Variants in CHTF18 observed in about 807,000 individuals in gnomAD.
CHTF18 encodes the protein chromosome transmission fidelity factor 18.
A neutral mutation model predicts 113.4 loss-of-function variants in CHTF18; 151 were observed. That is an observed-to-expected ratio of 1.33 (90% CI 1.17 to 1.52). The LOEUF (loss-of-function observed/expected upper bound fraction) is 1.52. CHTF18 is among the 40% of genes most tolerant of loss of function. The pLI is 0.00. For missense variants in CHTF18, 1,982 were observed against 1,381.6 expected (o/e 1.43, Z -6.89); for synonymous variants, 916 against 598.8 (o/e 1.53, Z -7.74).
At chr16:796,916 C>G (rs1403776124) in intron 19 of CHTF18, 45 bp from the exon 20 acceptor site, 5 of 1,541,862 alleles carry the variant, frequency 3.2e-6, no homozygotes, top group Non-Finnish European at 4.4e-6. Flanking sequence ...ACCATCCCCA[C>G]TGTATCCCTG....
At chr16:788,909 T>A (rs2042073798) in intron 1 of CHTF18, 22 bp from the exon 2 acceptor site, 3 of 1,518,570 alleles carry the variant, frequency 2.0e-6, no homozygotes, top group Non-Finnish European at 2.6e-6. Context: ...GGGCGGCCGC[T>A]GACAATCTCC....
rs531301865 is a variant in CHTF18 at position 796,984 on chromosome 16, C to T, written c.2625C>T (p.Leu875=). The T allele has an allele frequency of 2.3e-5, 35 of 1,531,156 alleles. No homozygotes were observed. The highest frequency in any genetic ancestry group is 9.7e-5 in the African/African-American group (7 of 72,242). 94.8% of individuals were successfully genotyped at this position (1,531,156 alleles called of 1,614,324 possible). Residue 875 remains leucine, a synonymous_variant, in exon 20 of 22, where the codon CTC becomes CTT. Transcript: ENST00000262315. Reference sequence around the variant, plus strand: ...AGGTGGATGGGAGCCCCCCAGGGCTCGAGGGTCTGCTGGGGGGCATTGGGG... The same window carrying T: ...AGGTGGATGGGAGCCCCCCAGGGCTTGAGGGTCTGCTGGGGGGCATTGGGG... ...SPQVDGSPPG[L]EGLLGGIGEK...
In CHTF18 at chr16:790,559, T is replaced by C. The variant is rs771432403; in HGVS notation, c.787T>C (p.Leu263=). ...RSGEEEAAQP[L]GAPEEEPTDG... ...GGGGGAGGAGGAGGCAGCCCAGCCC[T>C]TGGGGGCCCCTGAGGAGGAGCCGAC... Residue 263 remains leucine, a synonymous_variant, in exon 7 of 22, where the codon TTG becomes CTG. Coordinates refer to ENST00000262315, the MANE Select transcript of CHTF18 (RefSeq NM_022092.3). 1.3e-5 allele frequency: 20 copies of C among 1,597,590 alleles called. No homozygotes were observed. The highest frequency in any genetic ancestry group is 1.7e-5 in the Non-Finnish European group (20 of 1,173,200).
At chr16:788,865 C>A (rs962928596) in intron 1 of CHTF18, 66 bp from the exon 2 acceptor site, 2 of 1,507,044 alleles carry the variant, frequency 1.3e-6, no homozygotes, top group Non-Finnish European at 1.8e-6. Context: ...CCGAAGGGGC[C>A]TCCACGTCGC....
At chr16:797,593 C>T (rs754151400) in intron 20 of CHTF18, 101 bp from the exon 21 acceptor site, 7 of 1,314,954 alleles carry the variant, frequency 5.3e-6, no homozygotes, top group Middle Eastern at 2.5e-4. Context: ...CAGAGGTGTT[C>T]TGGTCCCTCC....
At position 791,212 on chromosome 16, in the gene CHTF18, T is replaced by G. The variant is rs750628374; in HGVS notation, c.946T>G (p.Phe316Val). 38 of 1,611,488 alleles carry G rather than the reference T, an allele frequency of 2.4e-5. No individual in the cohort carries two copies. Among genetic ancestry groups the G allele is most frequent in the East Asian group, 1.3e-4 (6 of 44,852 alleles). ...KWLKLWDLVV[F>V]GHERPSRKPR... ...GCTGAAGTTGTGGGACCTGGTGGTG[T>G]TTGGCCACGAGAGGCCTTCCCGGAA... The change falls in exon 8 of 22, where the codon TTT (phenylalanine) becomes GTT (valine). Residue 316 changes from phenylalanine (F) to valine (V), a missense_variant. By Grantham distance (50) the Phe-to-Val change is conservative (BLOSUM62 -1). Transcript: ENST00000262315.
At chr16:791,488 G>A (rs2042194008) in intron 8 of CHTF18, 118 bp downstream of exon 8, 3 of 1,448,226 alleles carry the variant, frequency 2.1e-6, no homozygotes, top group Non-Finnish European at 2.7e-6. Context: ...TGTGGGTCTT[G>A]GCGTGAAGCG....
At chr16:789,455 A>C in intron 3 of CHTF18, 92 bp from the exon 4 acceptor site, 1 of 1,535,028 alleles carries the variant, frequency 6.5e-7, no homozygotes, top group East Asian at 2.3e-5. Context: ...GGGGGTGGGG[A>C]GGGTTCCATG....
intron 4 of CHTF18, 32 bp from the exon 5 acceptor site, chr16:790,145 G>A (rs1255180870): frequency 1.9e-6 from 3 of 1,563,052 alleles, no homozygotes; most frequent in East Asian, 2.4e-5. Context: ...CCTAGGAGGG[G>A]CCCAGAGGCA....
At position 797,685 on chromosome 16, in the gene CHTF18, T is replaced by G; in HGVS notation, c.2734-9T>G. On this transcript the variant is annotated splice_polypyrimidine_tract_variant and intron_variant, in intron 20 of 21. Coordinates refer to ENST00000262315, the MANE Select transcript of CHTF18 (RefSeq NM_022092.3). ...TCCTATACGACTGACTAGTCCTTCC[T>G]CCCATCAGCCTGAGAAGGACTTCTT... 1 of 1,605,840 alleles carries G rather than the reference T, an allele frequency of 6.2e-7. No individual in the cohort carries two copies.
chr16:794,593 C>T (rs1237701911), intron 15 of CHTF18: 7 of 262,800 alleles, frequency 2.7e-5, no homozygotes, highest in South Asian at 1.4e-4. Flanking sequence ...CCGCCCTGCC[C>T]GCGGGAGTCC....
chr16:795,717 G>C lies in CHTF18; in HGVS notation c.2208G>C (p.Leu736=), dbSNP rs1188490524. The change falls in exon 17 of 22, where the codon CTG becomes CTC. Residue 736 remains leucine, a synonymous_variant. Coordinates refer to ENST00000262315, the MANE Select transcript of CHTF18 (RefSeq NM_022092.3). The part of the protein sequence containing the change: ...AQNRMSQMRN[L]IQTLVSGIAP... ...ACCGGATGAGCCAGATGAGGAACCT[G>C]ATCCAGACGCTGGTGTCCGGCATCG... is the stretch of plus-strand genomic sequence containing the variant. 7.5e-6 allele frequency: 12 copies of C among 1,605,360 alleles called. No homozygotes were observed. Among genetic ancestry groups the C allele is most frequent in the Non-Finnish European group, 1.0e-5 (12 of 1,177,786 alleles).
At position 794,876 on chromosome 16, in the gene CHTF18, A is replaced by T. The variant is rs998469118; in HGVS notation, c.1951-256A>T. On this transcript the variant is annotated intron_variant, in intron 15 of 21. Coordinates refer to ENST00000262315, the MANE Select transcript of CHTF18 (RefSeq NM_022092.3). Reference sequence around the variant, plus strand: ...CACCCCCTCGTGTCAGTCTCTGTCAAGTCAGTCTCTGTCAAGCTGTAGCGA... The same window carrying T: ...CACCCCCTCGTGTCAGTCTCTGTCATGTCAGTCTCTGTCAAGCTGTAGCGA... 364 of 479,664 alleles carry T rather than the reference A, an allele frequency of 7.6e-4. 1 individual carries two copies. In the African/African-American group the frequency reaches 8.4e-3, roughly 11 times the overall value. 29.7% of individuals were successfully genotyped at this position (479,664 alleles called of 1,614,324 possible). A position where few individuals can be genotyped will look rare whatever the true frequency, so the allele number is the denominator to read the frequency against.
intron 14 of CHTF18, 145 bp downstream of exon 14, chr16:793,419 C>G: frequency 1.8e-6 from 2 of 1,093,656 alleles, no homozygotes; most frequent in Admixed American, 5.2e-5. Flanking sequence ...CCAGGGCCCT[C>G]CTCAGCCTTT....
In CHTF18 at chr16:789,336, A is replaced by G. The variant is rs767180501; in HGVS notation, c.413A>G (p.Asp138Gly). 1 of 1,600,446 alleles carries G rather than the reference A, an allele frequency of 6.2e-7. No homozygotes were observed. Among genetic ancestry groups the G allele is most frequent in the Non-Finnish European group, 8.5e-7 (1 of 1,173,980 alleles). ...TDITPPPSPE[D>G]LAELWGHGVS... is the part of the protein sequence containing the mutation. Reference sequence around the variant, plus strand: ...ATCACCCCGCCGCCGAGCCCTGAGGACCTCGCAGAGCTTTGGGGCCACGGG... The same window carrying G: ...ATCACCCCGCCGCCGAGCCCTGAGGGCCTCGCAGAGCTTTGGGGCCACGGG... Residue 138 changes from aspartate (D) to glycine (G), a missense_variant, in exon 3 of 22, where the codon GAC becomes GGC. Asp to Gly is a moderately conservative substitution (Grantham distance 94, BLOSUM62 -1). Transcript: ENST00000262315.
intron 18 of CHTF18, 92 bp from the exon 19 acceptor site, chr16:796,618 CCTTGTGG>C: frequency 7.3e-7 from 1 of 1,362,462 alleles, no homozygotes; most frequent in Non-Finnish European, 9.7e-7. Flanking sequence ...CCTGCTCTGG[CCTTGTGG>C]CTTTTGGGGT....
intron 7 of CHTF18, chr16:790,887 A>T: frequency 8.4e-6 from 12 of 1,431,976 alleles, no homozygotes; most frequent in Non-Finnish European, 2.7e-6. Flanking sequence ...GTGTCACCTG[A>T]TCCAAGTCTC....
Position 792,461 on chromosome 16 carries a change from G to A in CHTF18, c.1349G>A (p.Ser450Asn), listed in dbSNP as rs1338964417. ...AAGGCCGCCATCAACGTCCTCCTGA[G>A]CATCCTGAACCGCAAGGGGCCACAG... Reference protein sequence around the residue: ...APVAAINVLLSILNRKGPQEV... With the variant: ...APVAAINVLLNILNRKGPQEV... Residue 450 changes from serine (S) to asparagine (N), a missense_variant, in exon 11 of 22, where the codon AGC (serine) becomes AAC (asparagine). Physicochemically the swap from Ser to Asn is conservative, Grantham distance 46. Coordinates refer to ENST00000262315, the MANE Select transcript of CHTF18 (RefSeq NM_022092.3). 5.6e-5 allele frequency: 88 copies of A among 1,573,356 alleles called. No homozygotes were observed. Among genetic ancestry groups the A allele is most frequent in the Non-Finnish European group, 7.2e-5 (84 of 1,159,842 alleles).
At position 792,827 on chromosome 16, in the gene CHTF18, G is replaced by C. The variant is rs1255028396; in HGVS notation, c.1572+16G>C. On this transcript the variant is annotated intron_variant, in intron 12 of 21. Coordinates refer to ENST00000262315, the MANE Select transcript of CHTF18 (RefSeq NM_022092.3). Reference sequence around the variant, plus strand: ...GCTCCAGGAGGTCGGTGGAGCCCCAGGAGCCGTGTGGCTGATGGCGGGGTT... The same window carrying C: ...GCTCCAGGAGGTCGGTGGAGCCCCACGAGCCGTGTGGCTGATGGCGGGGTT... The C allele has an allele frequency of 6.5e-7, 1 of 1,538,252 alleles. No homozygotes were observed. The highest frequency in any genetic ancestry group is 1.4e-5 in the African/African-American group (1 of 73,112).
Sources: gnomAD v4.1 joint callset for allele counts on GRCh38, gnomAD v4.1.1 for gene constraint, MANE v1.5 for transcripts, NCBI Gene and HGNC (gene_info 2026-07-23, HGNC 2026-07-21) for gene names.